Variants in NEK3 observed in about 807,000 individuals in gnomAD.
NEK3 encodes serine/threonine-protein kinase Nek3.
In NEK3, 54 loss-of-function variants were observed where a neutral mutation model predicts 66.0. The ratio of observed to expected loss-of-function variants is 0.82; its 90% confidence interval spans 0.66 to 1.03. The LOEUF is 1.03. Ranked by LOEUF, NEK3 falls within the 50% of genes least tolerant of loss-of-function variation. The pLI is 0.00. For missense variants in NEK3, 593 were observed against 603.0 expected (o/e 0.98, Z 0.17); for synonymous variants, 200 against 206.2 (o/e 0.97, Z 0.26).
At chr13:52,159,417 CG>C (rs1384411119) in intron 1 of NEK3, 125 bp downstream of exon 1, 1 of 152,480 alleles carries the variant, frequency 6.6e-6, no homozygotes, top group Admixed American at 6.5e-5. Flanking sequence ...GACCGCGGGG[CG>C]GAAGTGAGGG....
intron 7 of NEK3, 127 bp from the exon 8 acceptor site, chr13:52,148,596 G>A: frequency 2.7e-6 from 2 of 742,786 alleles, no homozygotes; most frequent in Non-Finnish European, 4.5e-6. Flanking sequence ...ATATAATGTT[G>A]GTCTAACACC....
intron 11 of NEK3, among the ~76,000 whole-genome samples, chr13:52,138,936 G>C (rs937698267): frequency 1.3e-5 from 2 of 151,926 alleles, no homozygotes; most frequent in East Asian, 3.9e-4. Context: ...GAGAGAAGGA[G>C]AGAAGGAAAG....
intron 2 of NEK3, 67 bp from the exon 3 acceptor site, chr13:52,154,240 C>G (rs1341280190): frequency 2.0e-6 from 2 of 1,023,712 alleles, no homozygotes; most frequent in African/African-American, 1.6e-5. Flanking sequence ...TTTACAATAA[C>G]ATGGTTTATA....
intron 1 of NEK3, chr13:52,157,108 G>A (rs181360748): frequency 2.4e-4 from 37 of 152,290 alleles, no homozygotes; most frequent in African/African-American, 8.9e-4. Flanking sequence ...TTCAGTTCAA[G>A]AAATTGAAAG....
chr13:52,134,295 G>C (rs1244115612), intron 14 of NEK3, among the ~76,000 whole-genome samples: 1 of 151,904 alleles, frequency 6.6e-6, no homozygotes, highest in East Asian at 1.9e-4. Flanking sequence ...AGAGTGCTGG[G>C]ATTACAGGCG....
chr13:52,148,654 A>G (rs1044486925), intron 7 of NEK3, among the ~76,000 whole-genome samples, 185 bp from the exon 8 acceptor site: 1 of 152,152 alleles, frequency 6.6e-6, no homozygotes, highest in Non-Finnish European at 1.5e-5. Context: ...TCTGCTTTTC[A>G]ATCCCCACCC....
chr13:52,139,304 A>G (rs2138192915), intron 11 of NEK3, among the ~76,000 whole-genome samples: 1 of 152,356 alleles, frequency 6.6e-6, no homozygotes, highest in South Asian at 2.1e-4. Flanking sequence ...ACATAAAAGG[A>G]CAAATATTGT....
chr13:52,158,263 A>C (rs1346916955), intron 1 of NEK3, among the ~76,000 whole-genome samples: 11 of 152,190 alleles, frequency 7.2e-5, no homozygotes, highest in Non-Finnish European at 4.4e-5. Flanking sequence ...TAAAACCTCT[A>C]CTATAGTGAC....
chr13:52,152,561 T>A, intron 5 of NEK3, 48 bp downstream of exon 5: 1 of 1,245,290 alleles, frequency 8.0e-7, no homozygotes, highest in Non-Finnish European at 1.1e-6. Context: ...GTAAAATGAC[T>A]GAATTAAGGA....
At position 52,136,111 on chromosome 13, in the gene NEK3, C is replaced by T. The variant is rs1236881825; in HGVS notation, c.1174+5G>A. The T allele has an allele frequency of 2.5e-6, 4 of 1,613,466 alleles. No individual in the cohort carries two copies. Among genetic ancestry groups the T allele is most frequent in the Non-Finnish European group, 2.5e-6 (3 of 1,179,660 alleles). ...AAAATAATAGTATTCAATCTGACTA[C>T]TAACCTCTATCGTCCTCTGCTGTTA... On this transcript the variant is annotated splice_donor_5th_base_variant and intron_variant, in intron 13 of 15. Coordinates refer to ENST00000610828, the MANE Select transcript of NEK3 (RefSeq NM_002498.3).
chr13:52,136,811 C>T lies in NEK3; in HGVS notation c.1019G>A (p.Arg340Lys). The stretch of plus-strand genomic sequence containing the variant: ...TTTGAATAACTTACCTTTTTCTTCT[C>T]TGTTTACTCTTCTCAATGCACTTTC... ...LVESALRRVNREEKGNKSVHL... is the reference protein window; with the variant it reads ...LVESALRRVNKEEKGNKSVHL... Residue 340 changes from arginine to lysine, a missense_variant, in exon 12 of 16, where the codon AGA becomes AAA. Transcript: ENST00000610828. 6.4e-7 allele frequency: 1 copy of T among 1,553,908 alleles called. No homozygotes were observed. The highest frequency in any genetic ancestry group is 2.0e-5 in the Admixed American group (1 of 50,906).
intron 14 of NEK3, among the ~76,000 whole-genome samples, chr13:52,134,115 C>T (rs1417037113): frequency 6.6e-6 from 1 of 152,036 alleles, no homozygotes; most frequent in Non-Finnish European, 1.5e-5. Flanking sequence ...AATGCAGCCT[C>T]GAACTCCCAG....
chr13:52,151,629 C>A (rs989734255), intron 5 of NEK3, among the ~76,000 whole-genome samples: 1 of 152,212 alleles, frequency 6.6e-6, no homozygotes, highest in African/African-American at 2.4e-5. Context: ...TATCAGCAGA[C>A]GCAATCGACC....
chr13:52,151,081 A>G, intron 7 of NEK3, 65 bp downstream of exon 7: 1 of 1,260,634 alleles, frequency 7.9e-7, no homozygotes, highest in East Asian at 2.5e-5. Flanking sequence ...AGACTCTAGC[A>G]TCATTTGCAG....
chr13:52,140,434 C>T (rs1429542026), intron 11 of NEK3, among the ~76,000 whole-genome samples: 1 of 151,958 alleles, frequency 6.6e-6, no homozygotes, highest in Non-Finnish European at 1.5e-5. Context: ...CAGTGAAACC[C>T]TGTCTCTACT....
chr13:52,149,249 G>C (rs1375919932), intron 7 of NEK3, among the ~76,000 whole-genome samples: 3 of 151,260 alleles, frequency 2.0e-5, no homozygotes, highest in Non-Finnish European at 1.5e-5. Context: ...GCCTAGGCTG[G>C]AGTGCAGTGG....
Position 52,152,709 on chromosome 13 carries a change from T to C in NEK3, c.310-17A>G, listed in dbSNP as rs979687709. 1.9e-6 allele frequency: 3 copies of C among 1,548,602 alleles called. No homozygotes were observed. Among genetic ancestry groups the C allele is most frequent in the African/African-American group, 1.4e-5 (1 of 73,354 alleles). ...ATTAAGTATCTGTAAGAAAAAGGTA[T>C]GCAAAATCTTCAAGAATGCAGTAAC... On this transcript the variant is annotated splice_polypyrimidine_tract_variant and intron_variant, in intron 4 of 15. Transcript: ENST00000610828.
intron 1 of NEK3, among the ~76,000 whole-genome samples, chr13:52,157,889 T>C (rs1482391023): frequency 6.6e-6 from 1 of 152,264 alleles, no homozygotes; most frequent in African/African-American, 2.4e-5. Context: ...GTTTGTTTTT[T>C]ATTTTGAGAC....
At chr13:52,140,788 G>A (rs977939996) in intron 11 of NEK3, among the ~76,000 whole-genome samples, 3 of 151,790 alleles carry the variant, frequency 2.0e-5, no homozygotes, top group South Asian at 2.1e-4. Flanking sequence ...AGGGTAACCC[G>A]GTATCCAGGA....
Sources: allele counts gnomAD v4.1 joint callset (sites outside exome capture counted in the v4.1 genomes callset), GRCh38; gene constraint gnomAD v4.1.1; transcripts MANE v1.5; gene names NCBI Gene and HGNC (gene_info 2026-07-23, HGNC 2026-07-21).